The following CAPN15 variants were observed in gnomAD, a reference collection of about 807,000 sequenced individuals.
CAPN15 encodes the protein calpain-15.
A neutral mutation model predicts 97.9 loss-of-function variants in CAPN15; 53 were observed. The observed-to-expected ratio is 0.54, with a 90% CI of 0.43 to 0.68. CAPN15 has a LOEUF of 0.68. CAPN15 is among the 30% of genes least tolerant of loss of function. The probability of loss-of-function intolerance (pLI) is 0.00; values close to 1 mark genes in which losing one functional copy is unlikely to be tolerated. For synonymous variants in CAPN15, 922 were observed against 722.5 expected (o/e 1.28, Z -4.43); for missense variants, 1,592 against 1,589.8 (o/e 1.00, Z -0.02).
intron 3 of CAPN15, among the ~76,000 whole-genome samples, chr16:545,467 G>A (rs1308139354): frequency 3.9e-5 from 6 of 152,106 alleles, no homozygotes; most frequent in African/African-American, 9.7e-5. Flanking sequence ...GCCTGCCTTC[G>A]CCCTCCTCAC....
At position 541,589 on chromosome 16, in the gene CAPN15, C is replaced by T. The variant is rs1040719315; in HGVS notation, c.-22-5228C>T. On this transcript the variant is annotated intron_variant, in intron 3 of 13. Coordinates refer to ENST00000219611, the MANE Select transcript of CAPN15 (RefSeq NM_005632.3). Reference sequence around the variant, plus strand: ...TCCCAGTGAGCATCTCCACGTGTGCCGACAACAGCTTTGTTGAGGTAGAAC... The same window carrying T: ...TCCCAGTGAGCATCTCCACGTGTGCTGACAACAGCTTTGTTGAGGTAGAAC... Among the ~76,000 whole-genome samples the T allele has an allele frequency of 3.9e-5, 6 of 152,206 alleles. No homozygotes were observed. In the South Asian group the frequency reaches 1.0e-3, roughly 26 times the overall value.
At position 551,758 on chromosome 16, in the gene CAPN15, G is replaced by A. The variant is rs1270756944; in HGVS notation, c.2345+94G>A. The A allele has an allele frequency of 4.6e-6, 7 of 1,508,724 alleles. No individual in the cohort carries two copies. In the Middle Eastern group the frequency reaches 8.7e-4, roughly 187 times the overall value. The allele number at this position is 1,508,724 out of a possible 1,614,324, so 93.5% of individuals were successfully genotyped here. A position where few individuals can be genotyped will look rare whatever the true frequency, so the allele number is the denominator to read the frequency against. ...CAAGCCTGTCCCTCCTGCTGACCTG[G>A]GGTGGGGCGGCTTGTTCGTGGCCCA... is the stretch of plus-strand genomic sequence containing the variant. On this transcript the variant is annotated intron_variant, in intron 9 of 13. Coordinates refer to ENST00000219611, the MANE Select transcript of CAPN15 (RefSeq NM_005632.3).
rs1216608176 is a variant in CAPN15, at chr16:552,089, A to G, written c.2384A>G (p.Asp795Gly). ...DSVDICKVHSDWQEARVQGCF... is the reference protein window; with the variant it reads ...DSVDICKVHSGWQEARVQGCF... Reference sequence around the variant, plus strand: ...GTGGACATCTGTAAGGTGCACTCGGACTGGCAGGAGGCGCGGGTGCAGGGC... The same window carrying G: ...GTGGACATCTGTAAGGTGCACTCGGGCTGGCAGGAGGCGCGGGTGCAGGGC... The change falls in exon 10 of 14, where the codon GAC becomes GGC. Residue 795 changes from aspartate (D) to glycine (G), a missense_variant. Coordinates refer to ENST00000219611, the MANE Select transcript of CAPN15 (RefSeq NM_005632.3). This position sits in a 1 kb window ranked among gnomAD's most constrained non-coding sequence, Gnocchi z 6.4. 7 of 1,549,146 alleles carry G rather than the reference A, an allele frequency of 4.5e-6. No homozygotes were observed. Among genetic ancestry groups the G allele is most frequent in the African/African-American group, 2.7e-5 (2 of 73,002 alleles).
chr16:549,074 C>T lies in CAPN15; in HGVS notation c.1531C>T (p.Arg511Cys), dbSNP rs147350322. The T allele has an allele frequency of 8.1e-6, 13 of 1,612,680 alleles. No homozygotes were observed. The highest frequency in any genetic ancestry group is 2.2e-5 in the East Asian group (1 of 44,884). The change falls in exon 5 of 14, where the codon CGT (arginine) becomes TGT (cysteine). Residue 511 changes from arginine (R) to cysteine (C), a missense_variant. By Grantham distance (180) the Arg-to-Cys change is radical. Around this residue, in one of 3 missense-constraint regions of CAPN15, gnomAD observed 883 missense variants for 776.6 expected, o/e 1.14. Coordinates refer to ENST00000219611, the MANE Select transcript of CAPN15 (RefSeq NM_005632.3). ...CCCCGCGGGTGACAGCGTGCAGCAGCGTGTGAGGCAGTGGCTGCGACCCCA... is the reference window on the plus strand; with the variant it reads ...CCCCGCGGGTGACAGCGTGCAGCAGTGTGTGAGGCAGTGGCTGCGACCCCA... ...GFPAGDSVQQ[R>C]VRQWLRPQEI...
chr16:546,938 G>A lies in CAPN15; in HGVS notation c.100G>A (p.Asp34Asn), dbSNP rs769811257. Residue 34 changes from aspartate to asparagine, a missense_variant, in exon 4 of 14, where the codon GAC becomes AAC. Asp to Asn is a conservative substitution (Grantham distance 23, BLOSUM62 1). Coordinates refer to ENST00000219611, the MANE Select transcript of CAPN15 (RefSeq NM_005632.3). ...SICEAPRHKPDLNHILRLSVE... is the reference protein window; with the variant it reads ...SICEAPRHKPNLNHILRLSVE... The stretch of plus-strand genomic sequence containing the variant: ...CTGCGAGGCTCCCCGGCACAAGCCC[G>A]ACCTCAACCACATCCTGCGGCTCAG... The A allele has an allele frequency of 3.5e-5, 57 of 1,610,638 alleles. No homozygotes were observed. The highest frequency in any genetic ancestry group is 4.3e-5 in the Non-Finnish European group (51 of 1,179,902).
intron 1 of CAPN15, among the ~76,000 whole-genome samples, chr16:532,554 CAAA>C (rs530000758): frequency 9.6e-5 from 8 of 83,528 alleles, no homozygotes; most frequent in Non-Finnish European, 7.2e-5. Flanking sequence ...TACCCTGTCT[CAAA>C]AAAAAAAAAA....
intron 7 of CAPN15, 64 bp from the exon 8 acceptor site, chr16:551,238 C>A (rs2035054469): frequency 4.7e-6 from 7 of 1,498,616 alleles, no homozygotes; most frequent in Non-Finnish European, 6.2e-6. Flanking sequence ...AGTGAGGGTC[C>A]CCGGTCGGTG....
At position 549,699 on chromosome 16, in the gene CAPN15, C is replaced by A; in HGVS notation, c.1927C>A (p.Arg643Ser). The A allele has an allele frequency of 6.4e-7, 1 of 1,563,784 alleles. No individual in the cohort carries two copies. The highest frequency in any genetic ancestry group is 8.6e-7 in the Non-Finnish European group (1 of 1,156,758). ...HGSYFALQAG[R>S]AIEGLATLTG... The stretch of plus-strand genomic sequence containing the variant: ...CTCCTACTTTGCGCTCCAGGCGGGC[C>A]GCGCCATCGAAGGCCTGGCCACGCT... The change falls in exon 7 of 14, where the codon CGC becomes AGC. Residue 643 changes from arginine (R) to serine (S), a missense_variant. Arg to Ser is a moderately radical substitution (Grantham distance 110). Coordinates refer to ENST00000219611, the MANE Select transcript of CAPN15 (RefSeq NM_005632.3).
intron 3 of CAPN15, among the ~76,000 whole-genome samples, chr16:545,324 T>C (rs1159291559): frequency 6.6e-6 from 1 of 151,708 alleles, no homozygotes; most frequent in Non-Finnish European, 1.5e-5. Context: ...GTGGGGGCCC[T>C]GCCGAGGTCT....
chr16:553,409 C>T lies in CAPN15; in HGVS notation c.3154C>T (p.Arg1052Cys), dbSNP rs2035255340. Residue 1052 changes from arginine (R) to cysteine (C), a missense_variant, in exon 14 of 14, where the codon CGC (arginine) becomes TGC (cysteine). Arg to Cys is a radical substitution (Grantham distance 180). Around this residue, in one of 3 missense-constraint regions of CAPN15, gnomAD observed 644 missense variants for 699.6 expected, o/e 0.92. Coordinates refer to ENST00000219611, the MANE Select transcript of CAPN15 (RefSeq NM_005632.3). Reference sequence around the variant, plus strand: ...CTCTATCACCCACCGCCTGGCACATCGCAAGGCAGCCCAGGCCTTCCTCAG... The same window carrying T: ...CTCTATCACCCACCGCCTGGCACATTGCAAGGCAGCCCAGGCCTTCCTCAG... ...GFSITHRLAH[R>C]KAAQAFLSDW... The T allele has an allele frequency of 9.9e-6, 16 of 1,610,978 alleles. No homozygotes were observed. Among genetic ancestry groups the T allele is most frequent in the Non-Finnish European group, 1.4e-5 (16 of 1,179,284 alleles).
intron 3 of CAPN15, chr16:537,130 G>T (rs2033790492): frequency 1.0e-6 from 1 of 985,432 alleles, no homozygotes; most frequent in Non-Finnish European, 1.2e-6. Context: ...GCTTTTCTCT[G>T]CAGGGTCCTC....
chr16:548,212 C>T lies in CAPN15; in HGVS notation c.1374C>T (p.His458=), dbSNP rs370414323. Residue 458 remains histidine, a synonymous_variant, in exon 4 of 14, where the codon CAC becomes CAT. Coordinates refer to ENST00000219611, the MANE Select transcript of CAPN15 (RefSeq NM_005632.3). ...CCCTGAGGCGCAGGGAGAGCATGCA[C>T]GTGGAGCAGCGGCGGCAGACAGACG... ...AAPLRRRESM[H]VEQRRQTDEG... is the part of the protein sequence containing the mutation. 364 of 1,548,798 alleles carry T rather than the reference C, an allele frequency of 2.4e-4. No homozygotes were observed. Among genetic ancestry groups the T allele is most frequent in the Non-Finnish European group, 2.4e-4 (280 of 1,148,058 alleles).
At chr16:529,830 C>T (rs1036795151) in intron 1 of CAPN15, among the ~76,000 whole-genome samples, 1 of 152,338 alleles carries the variant, frequency 6.6e-6, no homozygotes, top group East Asian at 1.9e-4. Context: ...CCACTCGGCC[C>T]TGGACCGTGA....
At chr16:542,773 G>T (rs779450648) in intron 3 of CAPN15, among the ~76,000 whole-genome samples, 1 of 151,970 alleles carries the variant, frequency 6.6e-6, no homozygotes, top group Non-Finnish European at 1.5e-5. Flanking sequence ...AAAAAATTTG[G>T]CCAGGCGCAG....
intron 2 of CAPN15, among the ~76,000 whole-genome samples, chr16:534,599 G>A (rs1285764832): frequency 6.6e-6 from 1 of 152,194 alleles, no homozygotes; most frequent in African/African-American, 2.4e-5. Flanking sequence ...AGCGTCAGTG[G>A]GGACAAAGGC....
chr16:546,919 G>C lies in CAPN15; in HGVS notation c.81G>C (p.Glu27Asp). Residue 27 changes from glutamate to aspartate, a missense_variant, in exon 4 of 14, where the codon GAG (glutamate) becomes GAC (aspartate). Around this residue, in one of 3 missense-constraint regions of CAPN15, gnomAD observed 883 missense variants for 776.6 expected, o/e 1.14. Transcript: ENST00000219611. ...GCCAGCGCCAGTGCTCCATCTGCGA[G>C]GCTCCCCGGCACAAGCCCGACCTCA... is the stretch of plus-strand genomic sequence containing the variant. ...PAGQRQCSIC[E>D]APRHKPDLNH... The C allele has an allele frequency of 3.1e-6, 5 of 1,611,174 alleles. No individual in the cohort carries two copies. Among genetic ancestry groups the C allele is most frequent in the Non-Finnish European group, 4.2e-6 (5 of 1,179,876 alleles).
chr16:535,278 C>T lies in CAPN15; in HGVS notation c.-136-751C>T, dbSNP rs1404190124. On this transcript the variant is annotated intron_variant, in intron 2 of 13. Coordinates refer to ENST00000219611, the MANE Select transcript of CAPN15 (RefSeq NM_005632.3). The surrounding 1 kb of genome is among the most constrained non-coding windows in gnomAD (Gnocchi z 6.2). ...TGTCAAGGCCAGCACCAGAGACCCC[C>T]AGCAGACCTCAGTGGCCGCAGATGG... 6.5e-6 allele frequency: 1 copy of T among 154,240 alleles called. No individual in the cohort carries two copies. The highest frequency in any genetic ancestry group is 1.5e-5 in the Non-Finnish European group (1 of 68,114). The allele number at this position is 154,240 out of a possible 1,614,324, so 9.6% of individuals were successfully genotyped here. A position where few individuals can be genotyped will look rare whatever the true frequency, so the allele number is the denominator to read the frequency against.
At chr16:540,851 A>G (rs968911814) in intron 3 of CAPN15, among the ~76,000 whole-genome samples, 32 of 152,124 alleles carry the variant, frequency 2.1e-4, no homozygotes, top group Admixed American at 1.8e-3. Context: ...TGCGTCCCTC[A>G]GGAGCTGCCA....
intron 1 of CAPN15, among the ~76,000 whole-genome samples, chr16:528,291 G>A (rs139388851): frequency 1.3e-5 from 2 of 152,122 alleles, no homozygotes; most frequent in Non-Finnish European, 2.9e-5. Context: ...CGGGAAGTCG[G>A]CAGGGACCTG....
Sources: allele counts gnomAD v4.1 joint callset (sites outside exome capture counted in the v4.1 genomes callset), GRCh38; gene constraint gnomAD v4.1.1; regional missense constraint gnomAD v4.1.1; non-coding constraint Gnocchi (gnomAD v3.1); transcripts MANE v1.5; gene names NCBI Gene and HGNC (gene_info 2026-07-23, HGNC 2026-07-21).